SMARCA4: variants seen among roughly 807,000 people sequenced by gnomAD.
The protein encoded by SMARCA4 is SWI/SNF-related matrix-associated actin-dependent regulator of chromatin subfamily A member 4.
Under a neutral mutation model 193.9 loss-of-function variants are expected in SMARCA4, and 31 were observed. The observed-to-expected ratio is 0.16, with a 90% CI of 0.12 to 0.22. The LOEUF (loss-of-function observed/expected upper bound fraction) is 0.22. Among genes scored for constraint, SMARCA4 ranks in the 10% least tolerant of loss-of-function variants. The probability of loss-of-function intolerance (pLI) is 1.00; values close to 1 mark genes in which losing one functional copy is unlikely to be tolerated. For synonymous variants in SMARCA4, 942 were observed against 933.1 expected, an observed-to-expected ratio of 1.01 and a Z score of -0.17; for missense variants, 1,148 against 2,296.0, an observed-to-expected ratio of 0.50 and a Z score of 10.22.
chr19:11,035,966 G>A (rs1353463496), intron 29 of SMARCA4, among the ~76,000 whole-genome samples: 2 of 152,262 alleles, frequency 1.3e-5, no homozygotes, highest in African/African-American at 4.8e-5. Context: ...GCAGGTGGCA[G>A]CTTTTGGCTA....
rs187160195 is a variant in SMARCA4 at position 11,010,649 on chromosome 19, A to G, written c.2274+118A>G. Reference sequence around the variant, plus strand: ...GTTCACCTTTTGCTCTTTGTGGGCAATGCACTCTTCCCCTCTGAGCCTCGG... The same window carrying G: ...GTTCACCTTTTGCTCTTTGTGGGCAGTGCACTCTTCCCCTCTGAGCCTCGG... On this transcript the variant is annotated intron_variant, in intron 15 of 34. Transcript: ENST00000344626. 568 of 957,936 alleles carry G rather than the reference A, an allele frequency of 5.9e-4. 8 individuals are homozygous for G. The South Asian group carries it at 6.2e-3, about 10-fold the overall frequency. The allele number at this position is 957,936 out of a possible 1,614,324, so 59.3% of individuals were successfully genotyped here.
At chr19:11,035,179 A>G (rs2146706977) in intron 29 of SMARCA4, 47 bp downstream of exon 29, 1 of 1,546,364 alleles carries the variant, frequency 6.5e-7, no homozygotes. Context: ...AGCGCCAGGC[A>G]GGGCTGGGGA....
Position 10,971,621 on chromosome 19 carries a change from C to T in SMARCA4, c.-32+10447C>T, listed in dbSNP as rs542279049. Among the ~76,000 whole-genome samples the T allele has an allele frequency of 5.3e-5, 8 of 152,024 alleles. No individual in the cohort carries two copies. In the East Asian group the frequency reaches 7.7e-4, roughly 15 times the overall value. Reference sequence around the variant, plus strand: ...CTTCCCAAGTAGCTGGGACTACAGCCGCATGCCAGCTAATTTTTGTATTTT... The same window carrying T: ...CTTCCCAAGTAGCTGGGACTACAGCTGCATGCCAGCTAATTTTTGTATTTT... On this transcript the variant is annotated intron_variant, in intron 1 of 34. Transcript: ENST00000344626.
At chr19:11,037,153 C>G (rs1014554794) in intron 29 of SMARCA4, among the ~76,000 whole-genome samples, 1 of 152,212 alleles carries the variant, frequency 6.6e-6, no homozygotes, top group Non-Finnish European at 1.5e-5. Context: ...TCTTTAATAT[C>G]TGATTTCTCT....
At chr19:11,017,327 A>G (rs769784511) in intron 16 of SMARCA4, among the ~76,000 whole-genome samples, 7 of 152,250 alleles carry the variant, frequency 4.6e-5, no homozygotes, top group Non-Finnish European at 8.8e-5. Flanking sequence ...GATTGCAGTC[A>G]GATTCCATTT....
chr19:11,061,157 C>T (rs1257111037), intron 34 of SMARCA4, among the ~76,000 whole-genome samples: 2 of 142,182 alleles, frequency 1.4e-5, no homozygotes, highest in Admixed American at 7.4e-5. Flanking sequence ...CACTGCACTC[C>T]AGCCTGGGCA....
intron 14 of SMARCA4, among the ~76,000 whole-genome samples, chr19:11,008,540 G>A (rs79142255): frequency 0.04 from 6,093 of 152,214 alleles, 171 homozygotes; most frequent in African/African-American, 0.058. Context: ...ACTGCGTCAC[G>A]TTATATTCTC....
rs147017124 is a variant in SMARCA4, at chr19:11,015,401, C to T, written c.2438+2289C>T. ...GAGCTTGACGCTGTTGAATCCTGAT[C>T]GGACCTTTGGTAGACTCTCCTTCAA... On this transcript the variant is annotated intron_variant, in intron 16 of 34. Coordinates refer to ENST00000344626, the MANE Select transcript of SMARCA4 (RefSeq NM_003072.5). Among the ~76,000 whole-genome samples, 123 of 152,208 alleles carry T rather than the reference C, an allele frequency of 8.1e-4. 1 individual carries two copies. Among genetic ancestry groups the T allele is most frequent in the Non-Finnish European group, 1.4e-3 (97 of 68,020 alleles).
chr19:11,010,954 A>G, intron 15 of SMARCA4: 1 of 259,278 alleles, frequency 3.9e-6, no homozygotes, highest in Non-Finnish European at 7.8e-6. Flanking sequence ...GTGGTGTGAA[A>G]CGGCGAGCGT....
At chr19:10,977,660 A>G (rs1301110473) in intron 1 of SMARCA4, 1 of 152,178 alleles carries the variant, frequency 6.6e-6, no homozygotes, top group African/African-American at 2.4e-5. Flanking sequence ...CAGGGAAAGG[A>G]GCCTCTGCTT....
In SMARCA4 at chr19:11,030,050, G is replaced by C. The variant is rs1160673014; in HGVS notation, c.3383-680G>C. On this transcript the variant is annotated intron_variant, in intron 24 of 34. Coordinates refer to ENST00000344626, the MANE Select transcript of SMARCA4 (RefSeq NM_003072.5). The surrounding 1 kb of genome is among the most constrained non-coding windows in gnomAD (Gnocchi z 5.5). Reference sequence around the variant, plus strand: ...TCTGTCCGAACTCCCAGCAGCGCAGGGAGTGTTGACATTGCCTTAATGCCC... The same window carrying C: ...TCTGTCCGAACTCCCAGCAGCGCAGCGAGTGTTGACATTGCCTTAATGCCC... Among the ~76,000 whole-genome samples the C allele has an allele frequency of 6.6e-6, 1 of 152,120 alleles. No individual in the cohort carries two copies. The highest frequency in any genetic ancestry group is 1.5e-5 in the Non-Finnish European group (1 of 68,014).
At chr19:11,045,729 A>G (rs1024325923) in intron 30 of SMARCA4, among the ~76,000 whole-genome samples, 1 of 152,022 alleles carries the variant, frequency 6.6e-6, no homozygotes, top group African/African-American at 2.4e-5. Context: ...GGAATGGCTC[A>G]CCCAGCTGCT....
Position 10,984,141 on chromosome 19 carries a change from C to T in SMARCA4, c.-11C>T, listed in dbSNP as rs768683793. 2.5e-6 allele frequency: 4 copies of T among 1,613,662 alleles called. No individual in the cohort carries two copies. The highest frequency in any genetic ancestry group is 3.4e-6 in the Non-Finnish European group (4 of 1,179,930). On this transcript the variant is annotated 5_prime_UTR_variant, in exon 2 of 35. Transcript: ENST00000344626. The surrounding 1 kb of genome is among the most constrained non-coding windows in gnomAD (Gnocchi z 4.3). ...TCCAGCAGGAGGCCACTGTCTGCAG[C>T]TCCCGTGAAGATGTCCACTCCAGAC...
At chr19:11,025,695 C>T (rs2090203093) in intron 22 of SMARCA4, 187 bp downstream of exon 22, 8 of 615,254 alleles carry the variant, frequency 1.3e-5, no homozygotes, top group Admixed American at 6.5e-5. Context: ...GCAGTTAGGG[C>T]GCAACGTGCG....
At chr19:11,022,305 G>A (rs1367923967) in intron 19 of SMARCA4, among the ~76,000 whole-genome samples, 3 of 152,244 alleles carry the variant, frequency 2.0e-5, no homozygotes, top group African/African-American at 7.2e-5. Context: ...GTAGCGTGCT[G>A]TAGGCCCCTT....
intron 1 of SMARCA4, among the ~76,000 whole-genome samples, chr19:10,975,542 C>G (rs547447972): frequency 2.0e-5 from 3 of 151,976 alleles, no homozygotes; most frequent in Admixed American, 2.0e-4. Context: ...AACTCCTGAC[C>G]TTGTGATCCG....
At chr19:10,969,327 G>A (rs1457743019) in intron 1 of SMARCA4, among the ~76,000 whole-genome samples, 1 of 152,168 alleles carries the variant, frequency 6.6e-6, no homozygotes, top group African/African-American at 2.4e-5. Flanking sequence ...TCCCAGGCTG[G>A]TCTTGAACCC....
chr19:10,966,197 TG>T (rs1344286605), intron 1 of SMARCA4, among the ~76,000 whole-genome samples: 2 of 151,954 alleles, frequency 1.3e-5, no homozygotes, highest in African/African-American at 4.8e-5. Flanking sequence ...TTGACCAGGC[TG>T]GTCTTGAACT....
At chr19:10,993,789 G>A (rs1029384051) in intron 8 of SMARCA4, among the ~76,000 whole-genome samples, 8 of 151,974 alleles carry the variant, frequency 5.3e-5, no homozygotes, top group African/African-American at 1.9e-4. Context: ...GGGACTACAG[G>A]TGCCAGCCAC....
Sources: gnomAD v4.1 joint callset for allele counts (sites outside exome capture counted in the v4.1 genomes callset) on GRCh38, gnomAD v4.1.1 for gene constraint, Gnocchi (gnomAD v3.1) non-coding constraint, MANE v1.5 for transcripts, NCBI Gene and HGNC (gene_info 2026-07-23, HGNC 2026-07-21) for gene names.